PTCHD4: variants seen among roughly 807,000 people sequenced by gnomAD.
PTCHD4 encodes patched domain containing 4.
A neutral mutation model predicts 58.1 loss-of-function variants in PTCHD4; 33 were observed. The observed-to-expected ratio is 0.57, with a 90% CI of 0.43 to 0.76. The LOEUF (loss-of-function observed/expected upper bound fraction) is 0.76. PTCHD4 is among the 30% of genes least tolerant of loss of function. PTCHD4 has a pLI of 0.00. For missense variants in PTCHD4, 1,058 were observed against 1,027.1 expected (o/e 1.03, Z -0.41); for synonymous variants, 478 against 409.6 (o/e 1.17, Z -2.02).
chr6:48,107,753 A>C (rs1396298144), intron 1 of PTCHD4, among the ~76,000 whole-genome samples: 1 of 152,276 alleles, frequency 6.6e-6, no homozygotes, highest in East Asian at 1.9e-4. Context: ...CAAATTTATA[A>C]GAAAAAAACA....
At chr6:48,109,904 G>GTTCCAAGT (rs1765828349) in intron 1 of PTCHD4, among the ~76,000 whole-genome samples, 2 of 151,952 alleles carry the variant, frequency 1.3e-5, no homozygotes, top group African/African-American at 4.8e-5. Context: ...TATTGGGATG[G>GTTCCAAGT]CTATTATTTT....
chr6:47,887,034 T>G (rs1764215681), intron 4 of PTCHD4, among the ~76,000 whole-genome samples: 1 of 152,166 alleles, frequency 6.6e-6, no homozygotes, highest in Non-Finnish European at 1.5e-5. Context: ...CTTTTTCACT[T>G]TTGTATATTA....
chr6:47,882,111 T>A (rs1764035016), intron 4 of PTCHD4, among the ~76,000 whole-genome samples: 1 of 152,130 alleles, frequency 6.6e-6, no homozygotes, highest in South Asian at 2.1e-4. Flanking sequence ...TTGACTAAAA[T>A]ACAATGTTAG....
intron 4 of PTCHD4, among the ~76,000 whole-genome samples, chr6:47,953,875 T>C (rs192696814): frequency 1.1e-4 from 16 of 152,322 alleles, no homozygotes; most frequent in African/African-American, 3.8e-4. Context: ...TCATAATATC[T>C]TCTGAATGTG....
At chr6:48,038,554 C>T (rs188224847) in intron 3 of PTCHD4, among the ~76,000 whole-genome samples, 79 of 151,222 alleles carry the variant, frequency 5.2e-4, no homozygotes, top group South Asian at 2.7e-3. Flanking sequence ...GCATAAGAAT[C>T]GCTTGAACCC....
At chr6:48,094,989 G>T (rs1765434337) in intron 1 of PTCHD4, among the ~76,000 whole-genome samples, 1 of 152,174 alleles carries the variant, frequency 6.6e-6, no homozygotes, top group Admixed American at 6.5e-5. Flanking sequence ...TTCAATGCAA[G>T]CACTGTCATT....
chr6:48,036,331 G>A (rs539037792), intron 3 of PTCHD4, among the ~76,000 whole-genome samples: 3 of 152,210 alleles, frequency 2.0e-5, no homozygotes, highest in East Asian at 1.9e-4. Flanking sequence ...GAAAATTACA[G>A]TAGTGCCCCT....
rs1450786250 is a variant in PTCHD4 at position 47,876,353 on chromosome 6, C to G, written c.*1950G>C. Reference sequence around the variant, plus strand: ...CAATGGAGAAGACATAGATCATTTCCTGTTGAAACCCAATTACCTCAAGGT... The same window carrying G: ...CAATGGAGAAGACATAGATCATTTCGTGTTGAAACCCAATTACCTCAAGGT... On this transcript the variant is annotated 3_prime_UTR_variant, in exon 5 of 5. Transcript: ENST00000339488. 6.6e-6 allele frequency among the ~76,000 whole-genome samples: 1 copy of G among 151,940 alleles called. No individual in the cohort carries two copies. Among genetic ancestry groups the G allele is most frequent in the Non-Finnish European group, 1.5e-5 (1 of 67,938 alleles).
chr6:48,038,982 C>G (rs1763746095), intron 3 of PTCHD4, among the ~76,000 whole-genome samples: 1 of 152,094 alleles, frequency 6.6e-6, no homozygotes. Flanking sequence ...TTTGAGAAAC[C>G]TTTGGAATTA....
intron 1 of PTCHD4, among the ~76,000 whole-genome samples, chr6:48,070,289 A>T (rs2113883438): frequency 6.6e-6 from 1 of 152,238 alleles, no homozygotes; most frequent in Non-Finnish European, 1.5e-5. Flanking sequence ...TTCTGTGCAC[A>T]ATTTCTTAAT....
Position 47,861,477 on chromosome 6 carries a change from A to T in PTCHD4, c.*16826T>A, listed in dbSNP as rs1763424026. ...AAAAGATGTATACCCTCAAGGCTGT[A>T]TCTGCTGTGTTTAATACACTAATCA... is the stretch of plus-strand genomic sequence containing the variant. On this transcript the variant is annotated 3_prime_UTR_variant, in exon 5 of 5. Transcript: ENST00000339488. 6.6e-6 allele frequency among the ~76,000 whole-genome samples: 1 copy of T among 151,920 alleles called. No homozygotes were observed. The highest frequency in any genetic ancestry group is 1.5e-5 in the Non-Finnish European group (1 of 67,894).
intron 4 of PTCHD4, among the ~76,000 whole-genome samples, chr6:47,930,817 G>A (rs1011774672): frequency 2.6e-5 from 4 of 152,048 alleles, no homozygotes; most frequent in African/African-American, 9.7e-5. Flanking sequence ...TTTTTGAGAT[G>A]GAGTCTCGCT....
chr6:47,869,885 G>A lies in PTCHD4; in HGVS notation c.*8418C>T, dbSNP rs1169440588. 6.6e-6 allele frequency among the ~76,000 whole-genome samples: 1 copy of A among 151,540 alleles called. No individual in the cohort carries two copies. Among genetic ancestry groups the A allele is most frequent in the Non-Finnish European group, 1.5e-5 (1 of 67,692 alleles). On this transcript the variant is annotated 3_prime_UTR_variant, in exon 5 of 5. Transcript: ENST00000339488. ...GTAGCATGCTCGAAGTTCTCACTGA[G>A]GTTAGAGGAATAAGTTGCATATTAT...
At chr6:47,962,841 A>T (rs564407404) in intron 4 of PTCHD4, among the ~76,000 whole-genome samples, 1 of 152,074 alleles carries the variant, frequency 6.6e-6, no homozygotes, top group African/African-American at 2.4e-5. Context: ...AAAAAAAAAA[A>T]AACAAGGTAA....
intron 4 of PTCHD4, among the ~76,000 whole-genome samples, chr6:47,885,200 TAA>T (rs1764151996): frequency 6.6e-6 from 1 of 151,880 alleles, no homozygotes; most frequent in Admixed American, 6.6e-5. Flanking sequence ...TTCTTAAGGG[TAA>T]AAAAGAGTTG....
intron 4 of PTCHD4, among the ~76,000 whole-genome samples, chr6:47,991,011 A>G (rs568008883): frequency 5.7e-4 from 87 of 152,296 alleles, no homozygotes; most frequent in African/African-American, 2.0e-3. Flanking sequence ...GGAAAATACA[A>G]AAGGAAGTAT....
intron 3 of PTCHD4, among the ~76,000 whole-genome samples, chr6:48,045,471 A>G (rs566790979): frequency 2.7e-4 from 41 of 151,848 alleles, no homozygotes; most frequent in African/African-American, 9.7e-4. Flanking sequence ...TAAGGTGACA[A>G]CAGATGCCTA....
intron 4 of PTCHD4, among the ~76,000 whole-genome samples, chr6:47,979,730 C>T (rs889983359): frequency 6.6e-6 from 1 of 151,766 alleles, no homozygotes; most frequent in African/African-American, 2.4e-5. Flanking sequence ...GTTTGATTTC[C>T]CAGGTACCCA....
At chr6:47,965,987 A>G (rs1767276779) in intron 4 of PTCHD4, among the ~76,000 whole-genome samples, 1 of 152,186 alleles carries the variant, frequency 6.6e-6, no homozygotes. Context: ...AGAAGTTCCC[A>G]TTTGATGTAA....
Sources: gnomAD v4.1 joint callset for allele counts (sites outside exome capture counted in the v4.1 genomes callset) on GRCh38, gnomAD v4.1.1 for gene constraint, MANE v1.5 for transcripts, NCBI Gene and HGNC (gene_info 2026-07-23, HGNC 2026-07-21) for gene names.